The following RNF220 variants were observed in gnomAD, a reference collection of about 807,000 sequenced individuals.
The protein encoded by RNF220 is E3 ubiquitin-protein ligase RNF220.
A neutral mutation model predicts 67.1 loss-of-function variants in RNF220; 7 were observed. The ratio of observed to expected loss-of-function variants is 0.10; its 90% CI spans 0.06 to 0.20. The LOEUF is 0.20. RNF220 is among the 10% of genes least tolerant of loss of function. RNF220 has a pLI of 1.00. For missense variants in RNF220, 565 were observed against 740.3 expected, an observed-to-expected ratio of 0.76 and a Z score of 2.75; for synonymous variants, 270 against 283.2, an observed-to-expected ratio of 0.95 and a Z score of 0.47.
chr1:44,505,850 T>C (rs1359169416), intron 2 of RNF220, among the ~76,000 whole-genome samples: 2 of 152,092 alleles, frequency 1.3e-5, no homozygotes, highest in African/African-American at 4.8e-5. Flanking sequence ...TTTTCCTCTT[T>C]CTTCGTTTCT....
At chr1:44,508,677 A>T (rs970691929) in intron 2 of RNF220, among the ~76,000 whole-genome samples, 1 of 151,808 alleles carries the variant, frequency 6.6e-6, no homozygotes. Flanking sequence ...GACCTTCTCC[A>T]TTTTCCCTGA....
Position 44,417,585 on chromosome 1 carries a change from A to AGTT in RNF220, c.625+4863_625+4864insGTT, listed in dbSNP as rs927764891. Among the ~76,000 whole-genome samples, 6 of 152,192 alleles carry AGTT rather than the reference A, an allele frequency of 3.9e-5. No individual in the cohort carries two copies. Among genetic ancestry groups the AGTT allele is most frequent in the Admixed American group, 6.5e-5 (1 of 15,306 alleles). ...GCCTCCTCTTACGGCCGGAATGCCTAATCACCATGGTGAGAAAACGGACAC... is the reference window on the plus strand; with the variant it reads ...GCCTCCTCTTACGGCCGGAATGCCTAGTTATCACCATGGTGAGAAAACGGACAC... On this transcript the variant is annotated intron_variant, in intron 2 of 14. Coordinates refer to ENST00000361799, the MANE Select transcript of RNF220 (RefSeq NM_018150.4). The surrounding 1 kb of genome is among the most constrained non-coding windows in gnomAD (Gnocchi z 4.0).
chr1:44,502,019 C>T (rs896473167), intron 2 of RNF220, among the ~76,000 whole-genome samples: 5 of 145,610 alleles, frequency 3.4e-5, no homozygotes, highest in Admixed American at 1.4e-4. Flanking sequence ...GGAGTGGGCA[C>T]CTGGCATTCC....
At position 44,412,838 on chromosome 1, in the gene RNF220, C is replaced by T; in HGVS notation, c.625+116C>T. The T allele has an allele frequency of 9.1e-7, 1 of 1,102,678 alleles. No homozygotes were observed. Among genetic ancestry groups the T allele is most frequent in the Non-Finnish European group, 1.3e-6 (1 of 760,952 alleles). 68.3% of individuals were successfully genotyped at this position (1,102,678 alleles called of 1,614,324 possible). A position where few individuals can be genotyped will look rare whatever the true frequency, so the allele number is the denominator to read the frequency against. ...AGTAATAGGAAGGGCCAACTACTTC[C>T]CTTTCACTAGCTGTGGAGTGCTAAC... On this transcript the variant is annotated intron_variant, in intron 2 of 14. Transcript: ENST00000361799. The surrounding 1 kb of genome is among the most constrained non-coding windows in gnomAD (Gnocchi z 5.3).
At chr1:44,479,185 G>C (rs558325802) in intron 2 of RNF220, among the ~76,000 whole-genome samples, 13 of 150,480 alleles carry the variant, frequency 8.6e-5, no homozygotes, top group Non-Finnish European at 1.8e-4. Flanking sequence ...GCGCATTCTC[G>C]GCTCACTGCA....
Position 44,412,334 on chromosome 1 carries a change from G to A in RNF220, c.237G>A (p.Val79=), listed in dbSNP as rs1158853599. 1.1e-5 allele frequency: 17 copies of A among 1,614,044 alleles called. No individual in the cohort carries two copies. The highest frequency in any genetic ancestry group is 1.4e-5 in the Non-Finnish European group (17 of 1,180,040). ...FASMYHRQGG[V]PGTFANRDFP... ...CTATGTACCATCGGCAAGGTGGGGT[G>A]CCAGGCACTTTTGCCAATCGTGATT... The change falls in exon 2 of 15, where the codon GTG becomes GTA. Residue 79 remains valine, a synonymous_variant. Coordinates refer to ENST00000361799, the MANE Select transcript of RNF220 (RefSeq NM_018150.4). This position sits in a 1 kb window ranked among gnomAD's most constrained non-coding sequence, Gnocchi z 5.3.
intron 2 of RNF220, chr1:44,424,007 T>C: frequency 2.0e-6 from 2 of 985,438 alleles, no homozygotes; most frequent in Non-Finnish European, 2.4e-6. Flanking sequence ...TGGCCTCTTA[T>C]CTTCATCATC....
chr1:44,521,944 A>G (rs139234394), intron 2 of RNF220, among the ~76,000 whole-genome samples: 6 of 152,314 alleles, frequency 3.9e-5, no homozygotes, highest in Non-Finnish European at 5.9e-5. Context: ...CCAAAGACCA[A>G]TGTGTCTGGG....
At chr1:44,528,532 C>A (rs1161876116) in intron 2 of RNF220, among the ~76,000 whole-genome samples, 1 of 151,574 alleles carries the variant, frequency 6.6e-6, no homozygotes, top group Non-Finnish European at 1.5e-5. Context: ...AATCTCTTGA[C>A]CTTGTGATCC....
At chr1:44,615,278 A>C (rs1415301083) in intron 3 of RNF220, among the ~76,000 whole-genome samples, 1 of 152,194 alleles carries the variant, frequency 6.6e-6, no homozygotes, top group Non-Finnish European at 1.5e-5. Flanking sequence ...CCTGAAAGTC[A>C]CTGAATCTCA....
Position 44,412,568 on chromosome 1 carries a change from T to C in RNF220, c.471T>C (p.Asp157=), listed in dbSNP as rs1219162980. 1.2e-6 allele frequency: 2 copies of C among 1,614,220 alleles called. No homozygotes were observed. Among genetic ancestry groups the C allele is most frequent in the Non-Finnish European group, 8.5e-7 (1 of 1,180,042 alleles). The change falls in exon 2 of 15, where the codon GAT becomes GAC. Residue 157 remains aspartate (D), a synonymous_variant. Transcript: ENST00000361799. This position sits in a 1 kb window ranked among gnomAD's most constrained non-coding sequence, Gnocchi z 5.3. The part of the protein sequence containing the change: ...DTESPHLRFS[D]ADGKEYDFGT... Reference sequence around the variant, plus strand: ...AGTCTCCCCACTTGCGCTTCTCAGATGCAGATGGCAAGGAATATGACTTTG... The same window carrying C: ...AGTCTCCCCACTTGCGCTTCTCAGACGCAGATGGCAAGGAATATGACTTTG...
intron 5 of RNF220, chr1:44,627,098 G>GCAC (rs1643971392): frequency 7.4e-6 from 1 of 135,792 alleles, no homozygotes; most frequent in African/African-American, 2.9e-5. Flanking sequence ...TGTAATCCCA[G>GCAC]CACTTTGAGA....
intron 2 of RNF220, among the ~76,000 whole-genome samples, chr1:44,588,577 C>T (rs1268614410): frequency 6.6e-6 from 1 of 152,158 alleles, no homozygotes; most frequent in African/African-American, 2.4e-5. Flanking sequence ...ATAATTAACT[C>T]GAGTAATAAA....
chr1:44,500,234 G>A (rs369148480), intron 2 of RNF220, among the ~76,000 whole-genome samples: 6 of 152,266 alleles, frequency 3.9e-5, no homozygotes, highest in South Asian at 2.1e-4. Context: ...GGCTACACAC[G>A]CTGCCCTTGG....
chr1:44,614,122 C>T (rs1437048286), intron 2 of RNF220, 43 bp from the exon 3 acceptor site: 1 of 1,611,368 alleles, frequency 6.2e-7, no homozygotes, highest in East Asian at 2.2e-5. Context: ...GCCTCCTGGA[C>T]TAGCCCAGCT....
chr1:44,472,089 A>T (rs1010683786), intron 2 of RNF220, among the ~76,000 whole-genome samples: 1 of 152,166 alleles, frequency 6.6e-6, no homozygotes, highest in Non-Finnish European at 1.5e-5. Flanking sequence ...CATTGTATGG[A>T]TGTACCATAT....
intron 2 of RNF220, among the ~76,000 whole-genome samples, chr1:44,504,360 A>T (rs1410680143): frequency 6.6e-6 from 1 of 152,200 alleles, no homozygotes; most frequent in African/African-American, 2.4e-5. Flanking sequence ...GGATGTGGAT[A>T]TGAATGGCTG....
chr1:44,596,777 A>G, intron 2 of RNF220, among the ~76,000 whole-genome samples: 1 of 152,190 alleles, frequency 6.6e-6, no homozygotes, highest in Non-Finnish European at 1.5e-5. Context: ...CTCCCCTCCC[A>G]TCATTCCCAA....
chr1:44,643,404 A>G (rs1308506262), intron 8 of RNF220: 1 of 152,270 alleles, frequency 6.6e-6, no homozygotes, highest in African/African-American at 2.4e-5. Context: ...AGAGTGAATT[A>G]GTAGAGAGCA....
Sources: gnomAD v4.1 joint callset for allele counts (sites outside exome capture counted in the v4.1 genomes callset) on GRCh38, gnomAD v4.1.1 for gene constraint, Gnocchi (gnomAD v3.1) non-coding constraint, MANE v1.5 for transcripts, NCBI Gene and HGNC (gene_info 2026-07-23, HGNC 2026-07-21) for gene names.